The following PITPNC1 variants were observed in gnomAD, a reference collection of about 807,000 sequenced individuals.
PITPNC1 encodes cytoplasmic phosphatidylinositol transfer protein 1.
In PITPNC1, 18 loss-of-function variants were observed where a neutral mutation model predicts 44.7. That is an observed-to-expected ratio of 0.40 (90% CI 0.28 to 0.60). PITPNC1 has a LOEUF of 0.60. Ranked by LOEUF, PITPNC1 falls within the 20% of genes least tolerant of loss-of-function variation. The probability of loss-of-function intolerance (pLI) is 0.39; values close to 1 mark genes in which losing one functional copy is unlikely to be tolerated. For synonymous variants in PITPNC1, 141 were observed against 149.6 expected (o/e 0.94, Z 0.42); for missense variants, 290 against 418.4 (o/e 0.69, Z 2.68).
intron 6 of PITPNC1, among the ~76,000 whole-genome samples, chr17:67,636,563 G>T (rs943143613): frequency 1.4e-4 from 22 of 152,160 alleles, no homozygotes; most frequent in Non-Finnish European, 3.1e-4. Context: ...CTCCTCCGTG[G>T]ACCTGGCAGC....
At chr17:67,649,610 C>A (rs1311450492) in intron 6 of PITPNC1, among the ~76,000 whole-genome samples, 1 of 152,094 alleles carries the variant, frequency 6.6e-6, no homozygotes, top group Non-Finnish European at 1.5e-5. Context: ...ATAGGCCGGG[C>A]ACAGTGGCTC....
At chr17:67,503,980 A>G (rs2040069505) in intron 1 of PITPNC1, among the ~76,000 whole-genome samples, 1 of 151,950 alleles carries the variant, frequency 6.6e-6, no homozygotes, top group Non-Finnish European at 1.5e-5. Flanking sequence ...TACCCTTTGG[A>G]AGTTACCCTC....
At chr17:67,442,896 A>G (rs2039035528) in intron 1 of PITPNC1, among the ~76,000 whole-genome samples, 1 of 151,918 alleles carries the variant, frequency 6.6e-6, no homozygotes, top group Non-Finnish European at 1.5e-5. Context: ...ATTTATCTGT[A>G]TTGCTGAGGT....
In PITPNC1 at chr17:67,695,624, ATAT is replaced by A. The variant is rs1567788049; in HGVS notation, c.*2737_*2739del. On this transcript the variant is annotated 3_prime_UTR_variant, in exon 9 of 9. Coordinates refer to ENST00000581322, the MANE Select transcript of PITPNC1 (RefSeq NM_012417.4). ...TACCTGTGTATATATATATATATAT[ATAT>A]ATATAAATATAAATATAGTATAGTG... is the stretch of plus-strand genomic sequence containing the variant. 1.4e-5 allele frequency: 2 copies of A among 147,698 alleles called. No individual in the cohort carries two copies. Among genetic ancestry groups the A allele is most frequent in the African/African-American group, 5.0e-5 (2 of 40,338 alleles). The allele number at this position is 147,698 out of a possible 1,614,324, so 9.1% of individuals were successfully genotyped here.
intron 1 of PITPNC1, among the ~76,000 whole-genome samples, chr17:67,385,374 A>G (rs1474749102): frequency 6.6e-6 from 1 of 152,176 alleles, no homozygotes; most frequent in Non-Finnish European, 1.5e-5. Context: ...GCTCAGTAAA[A>G]TGCACCAATC....
chr17:67,382,826 A>G (rs762853594), intron 1 of PITPNC1, among the ~76,000 whole-genome samples: 17 of 151,864 alleles, frequency 1.1e-4, no homozygotes, highest in Non-Finnish European at 1.8e-4. Flanking sequence ...GGGTTTCACC[A>G]TGTTGGTCAG....
chr17:67,481,685 G>A (rs534393428), intron 1 of PITPNC1, among the ~76,000 whole-genome samples: 1 of 151,782 alleles, frequency 6.6e-6, no homozygotes, highest in South Asian at 2.1e-4. Context: ...AATTTAAAAA[G>A]GAAGTTGAGT....
chr17:67,624,670 C>T (rs1038281586), intron 5 of PITPNC1, among the ~76,000 whole-genome samples: 3 of 152,042 alleles, frequency 2.0e-5, no homozygotes, highest in Admixed American at 6.6e-5. Flanking sequence ...TACAGGCACC[C>T]GCCAATATGC....
intron 5 of PITPNC1, among the ~76,000 whole-genome samples, chr17:67,631,657 A>AAATATATATATATAT (rs1555574522): frequency 6.5e-4 from 5 of 7,676 alleles, no homozygotes; most frequent in East Asian, 1.9e-3. Context: ...AAAAAAAAAA[A>AAATATATATATATAT]ATATATATAT....
At chr17:67,673,966 C>CAAAAAAA (rs34458518) in intron 7 of PITPNC1, among the ~76,000 whole-genome samples, 12 of 84,846 alleles carry the variant, frequency 1.4e-4, no homozygotes, top group South Asian at 4.3e-4. Flanking sequence ...GACTCCGTCT[C>CAAAAAAA]AAAAAAAAAA....
intron 5 of PITPNC1, among the ~76,000 whole-genome samples, chr17:67,631,585 C>T (rs1336437628): frequency 9.7e-6 from 1 of 102,848 alleles, no homozygotes; most frequent in Non-Finnish European, 1.9e-5. Context: ...GCCGGGATAG[C>T]GCCACTGCAG....
At chr17:67,388,055 G>A (rs943298934) in intron 1 of PITPNC1, among the ~76,000 whole-genome samples, 1 of 152,130 alleles carries the variant, frequency 6.6e-6, no homozygotes, top group Non-Finnish European at 1.5e-5. Context: ...TGAATGGATA[G>A]GAAGAAGCTG....
chr17:67,552,960 CTTGT>C lies in PITPNC1; in HGVS notation c.286+622_286+625del, dbSNP rs1455231334. On this transcript the variant is annotated intron_variant, in intron 3 of 8. Transcript: ENST00000581322. Reference sequence around the variant, plus strand: ...TCTGTAAACAAGTTGCTTATTATGACTTGTTTGTTTTTACCACTCCAAATTTTGA... The same window carrying C: ...TCTGTAAACAAGTTGCTTATTATGACTTGTTTTTACCACTCCAAATTTTGA... Among the ~76,000 whole-genome samples, 7 of 152,170 alleles carry C rather than the reference CTTGT, an allele frequency of 4.6e-5. No homozygotes were observed. The East Asian group carries it at 1.2e-3, about 25-fold the overall frequency.
At chr17:67,411,263 T>C (rs1464728629) in intron 1 of PITPNC1, among the ~76,000 whole-genome samples, 2 of 151,642 alleles carry the variant, frequency 1.3e-5, no homozygotes, top group Non-Finnish European at 2.9e-5. Flanking sequence ...TGTGAAAGGG[T>C]TGAAGGATGC....
intron 1 of PITPNC1, among the ~76,000 whole-genome samples, chr17:67,477,481 C>G (rs1284942562): frequency 6.6e-6 from 1 of 152,068 alleles, no homozygotes; most frequent in Non-Finnish European, 1.5e-5. Context: ...CTGACCTCAG[C>G]TGATCCACCC....
intron 1 of PITPNC1, among the ~76,000 whole-genome samples, chr17:67,380,335 A>G (rs1004911323): frequency 7.9e-5 from 12 of 152,266 alleles, no homozygotes; most frequent in African/African-American, 2.9e-4. Flanking sequence ...TCAGCCTCCC[A>G]AAGTGCTGGG....
chr17:67,446,815 C>T (rs1197255897), intron 1 of PITPNC1, among the ~76,000 whole-genome samples: 1 of 151,696 alleles, frequency 6.6e-6, no homozygotes, highest in Non-Finnish European at 1.5e-5. Context: ...GTTGGCCAGG[C>T]GTGGTGGCTC....
chr17:67,589,472 C>G (rs2041362296), intron 5 of PITPNC1, among the ~76,000 whole-genome samples: 1 of 152,148 alleles, frequency 6.6e-6, no homozygotes, highest in Admixed American at 6.5e-5. Flanking sequence ...GTTAACCAAA[C>G]TGGTCAAAAG....
intron 1 of PITPNC1, among the ~76,000 whole-genome samples, chr17:67,489,967 C>A (rs1811264899): frequency 6.6e-6 from 1 of 152,126 alleles, no homozygotes; most frequent in Non-Finnish European, 1.5e-5. Flanking sequence ...TGGTCTCGAA[C>A]CTCAAGTGAT....
Sources: gnomAD v4.1 joint callset for allele counts (sites outside exome capture counted in the v4.1 genomes callset) on GRCh38, gnomAD v4.1.1 for gene constraint, MANE v1.5 for transcripts, NCBI Gene and HGNC (gene_info 2026-07-23, HGNC 2026-07-21) for gene names.